BICRA: variants seen among roughly 807,000 people sequenced by gnomAD.
BICRA encodes the protein BRD4-interacting chromatin-remodeling complex-associated protein.
In BICRA, 31 loss-of-function variants were observed where a neutral mutation model predicts 96.9. The ratio of observed to expected loss-of-function variants is 0.32; its 90% CI spans 0.24 to 0.43. The LOEUF (loss-of-function observed/expected upper bound fraction) is 0.43. Ranked by LOEUF, BICRA falls within the 20% of genes least tolerant of loss-of-function variation. The pLI is 1.00. For missense variants in BICRA, 2,283 were observed against 2,190.3 expected (o/e 1.04, Z -0.84); for synonymous variants, 1,350 against 1,071.8 (o/e 1.26, Z -5.07).
Position 47,680,927 on chromosome 19 carries a change from T to C in BICRA, c.1757T>C (p.Val586Ala). The change falls in exon 6 of 15, where the codon GTC (valine) becomes GCC (alanine). Residue 586 changes from valine (V) to alanine (A), a missense_variant. Coordinates refer to ENST00000594866, the MANE Select transcript of BICRA (RefSeq NM_001394372.1). ...GCCGCCACCACTGTCCTCCAGGGGG[T>C]CACCCTGCCCCCCAGCGCCGTGGCC... is the stretch of plus-strand genomic sequence containing the variant. ...GPAATTVLQG[V>A]TLPPSAVAML... is the part of the protein sequence containing the mutation. 1 of 1,476,268 alleles carries C rather than the reference T, an allele frequency of 6.8e-7. No individual in the cohort carries two copies. The highest frequency in any genetic ancestry group is 1.3e-5 in the South Asian group (1 of 74,792). 91.4% of individuals were successfully genotyped at this position (1,476,268 alleles called of 1,614,324 possible). A position where few individuals can be genotyped will look rare whatever the true frequency, so the allele number is the denominator to read the frequency against.
intron 1 of BICRA, among the ~76,000 whole-genome samples, chr19:47,612,970 G>A (rs1555783487): frequency 1.3e-5 from 2 of 152,200 alleles, no homozygotes; most frequent in Non-Finnish European, 2.9e-5. Context: ...GTGGGCAGGA[G>A]GAGAGGGGCT....
chr19:47,677,340 T>C (rs566252274), intron 5 of BICRA, among the ~76,000 whole-genome samples: 1 of 152,222 alleles, frequency 6.6e-6, no homozygotes, highest in South Asian at 2.1e-4. Flanking sequence ...TCCACACATA[T>C]GCCTGCAGAT....
chr19:47,663,390 G>GA (rs1027214123), intron 1 of BICRA: 1 of 151,928 alleles, frequency 6.6e-6, no homozygotes, highest in Non-Finnish European at 1.5e-5. Context: ...CGTCTCAAAA[G>GA]AAAAAAAAGA....
intron 5 of BICRA, among the ~76,000 whole-genome samples, chr19:47,677,363 G>T (rs141149474): frequency 1.3e-5 from 2 of 152,122 alleles, no homozygotes; most frequent in Non-Finnish European, 2.9e-5. Context: ...TTTTCCATGC[G>T]TGTCCTGGGT....
chr19:47,658,336 G>A (rs189225489), intron 1 of BICRA, among the ~76,000 whole-genome samples: 17 of 152,250 alleles, frequency 1.1e-4, no homozygotes, highest in Non-Finnish European at 1.9e-4. Flanking sequence ...CCTTGACCAG[G>A]AACTGGTGGC....
chr19:47,645,164 C>CA (rs1972440994), intron 1 of BICRA, among the ~76,000 whole-genome samples: 1 of 152,224 alleles, frequency 6.6e-6, no homozygotes, highest in African/African-American at 2.4e-5. Context: ...GGTTTGGAAT[C>CA]ACGCCAGTTG....
chr19:47,697,312 A>G (rs1054780902), intron 11 of BICRA, among the ~76,000 whole-genome samples: 2 of 151,182 alleles, frequency 1.3e-5, no homozygotes, highest in Non-Finnish European at 3.0e-5. Flanking sequence ...AAAAACATAT[A>G]AGTCCGGGGG....
At chr19:47,660,901 A>G (rs1972693790) in intron 1 of BICRA, among the ~76,000 whole-genome samples, 1 of 152,290 alleles carries the variant, frequency 6.6e-6, no homozygotes, top group Admixed American at 6.5e-5. Flanking sequence ...TGTTGCTGTG[A>G]GAATGAAATG....
intron 1 of BICRA, among the ~76,000 whole-genome samples, chr19:47,666,697 G>A (rs760207685): frequency 5.3e-5 from 8 of 152,092 alleles, no homozygotes; most frequent in Admixed American, 3.3e-4. Context: ...TCAGCCTCCC[G>A]AGTAGATTGG....
At chr19:47,637,008 T>TA (rs1420612142) in intron 1 of BICRA, among the ~76,000 whole-genome samples, 1 of 152,204 alleles carries the variant, frequency 6.6e-6, no homozygotes, top group Non-Finnish European at 1.5e-5. Flanking sequence ...AGCCTGCTCT[T>TA]ATCACCCTGT....
At chr19:47,660,496 A>G (rs933386772) in intron 1 of BICRA, among the ~76,000 whole-genome samples, 3 of 152,116 alleles carry the variant, frequency 2.0e-5, no homozygotes, top group African/African-American at 7.2e-5. Flanking sequence ...CATTCAACTC[A>G]CTACAAAGGC....
chr19:47,694,419 G>A lies in BICRA; in HGVS notation c.2588G>A (p.Arg863His), dbSNP rs369274827. 2.9e-4 allele frequency: 201 copies of A among 699,162 alleles called. 1 individual carries two copies. The African/African-American group carries it at 4.9e-3, about 17-fold the overall frequency. The allele number at this position is 699,162 out of a possible 1,614,324, so 43.3% of individuals were successfully genotyped here. A position where few individuals can be genotyped will look rare whatever the true frequency, so the allele number is the denominator to read the frequency against. ...TAPGPPQPPL[R>H]PQSQPPEGPL... ...CCAGGCCCGCCGCAGCCGCCTCTCC[G>A]CCCCCAGTCCCAGCCGCCTGAGGGA... The change falls in exon 8 of 15, where the codon CGC becomes CAC. Residue 863 changes from arginine (R) to histidine (H), a missense_variant. Arg to His is a conservative substitution (Grantham distance 29). Transcript: ENST00000594866.
intron 1 of BICRA, among the ~76,000 whole-genome samples, chr19:47,669,224 A>G (rs1972827514): frequency 6.6e-6 from 1 of 152,118 alleles, no homozygotes; most frequent in African/African-American, 2.4e-5. Context: ...GTGTTAGAGA[A>G]GCTTCCTTCA....
At position 47,680,161 on chromosome 19, in the gene BICRA, C is replaced by T. The variant is rs1478907605; in HGVS notation, c.991C>T (p.Leu331Phe). The T allele has an allele frequency of 2.6e-6, 4 of 1,532,318 alleles. No homozygotes were observed. Among genetic ancestry groups the T allele is most frequent in the Non-Finnish European group, 3.5e-6 (4 of 1,148,292 alleles). 94.9% of individuals were successfully genotyped at this position (1,532,318 alleles called of 1,614,324 possible). A position where few individuals can be genotyped will look rare whatever the true frequency, so the allele number is the denominator to read the frequency against. ...ACAGCCGCTGGCGGTGGCCCCAGGCCTCGGCTCGTCGCCACTGGTCCCGGC... is the reference window on the plus strand; with the variant it reads ...ACAGCCGCTGGCGGTGGCCCCAGGCTTCGGCTCGTCGCCACTGGTCCCGGC... ...SGQPLAVAPG[L>F]GSSPLVPAPN... is the part of the protein sequence containing the mutation. Residue 331 changes from leucine (L) to phenylalanine (F), a missense_variant, in exon 6 of 15, where the codon CTC (leucine) becomes TTC (phenylalanine). Leu to Phe is a conservative substitution (Grantham distance 22, BLOSUM62 0). Coordinates refer to ENST00000594866, the MANE Select transcript of BICRA (RefSeq NM_001394372.1).
Position 47,643,501 on chromosome 19 carries a change from C to T in BICRA, c.-107-26942C>T, listed in dbSNP as rs76730314. Among the ~76,000 whole-genome samples, 3,523 of 152,284 alleles carry T rather than the reference C, an allele frequency of 0.023. 359 individuals are homozygous for T. The East Asian group carries it at 0.32, about 14-fold the overall frequency. The stretch of plus-strand genomic sequence containing the variant: ...TGGCATCCAGCCATGACCATCCCTT[C>T]TCACGGCGGGGCTGCTCACGGTGCT... On this transcript the variant is annotated intron_variant, in intron 1 of 14. Transcript: ENST00000594866.
At chr19:47,624,147 G>A (rs774791108) in intron 1 of BICRA, among the ~76,000 whole-genome samples, 12 of 152,072 alleles carry the variant, frequency 7.9e-5, no homozygotes, top group Non-Finnish European at 1.3e-4. Context: ...CAACATGCCC[G>A]GCAGATTGTG....
At position 47,695,409 on chromosome 19, in the gene BICRA, A is replaced by T. The variant is rs372525786; in HGVS notation, c.3121A>T (p.Asn1041Tyr). Residue 1041 changes from asparagine to tyrosine, a missense_variant, in exon 10 of 15, where the codon AAC becomes TAC. Coordinates refer to ENST00000594866, the MANE Select transcript of BICRA (RefSeq NM_001394372.1). ...AGCCGAGAACAAGGCTTTTGCCAGCAACCTCCCGACCCTGAATGTGGCCAA... is the reference window on the plus strand; with the variant it reads ...AGCCGAGAACAAGGCTTTTGCCAGCTACCTCCCGACCCTGAATGTGGCCAA... ...LPAENKAFAS[N>Y]LPTLNVAKAA... The T allele has an allele frequency of 6.4e-6, 10 of 1,562,718 alleles. No homozygotes were observed. The highest frequency in any genetic ancestry group is 7.8e-6 in the Non-Finnish European group (9 of 1,155,104).
intron 1 of BICRA, chr19:47,615,764 C>T (rs1971975427): frequency 6.6e-6 from 1 of 152,172 alleles, no homozygotes; most frequent in South Asian, 2.1e-4. Context: ...GCTGGCTTCT[C>T]TGCTTAATTG....
At chr19:47,681,383 G>A in intron 6 of BICRA, 107 bp downstream of exon 6, 1 of 974,940 alleles carries the variant, frequency 1.0e-6, no homozygotes, top group Non-Finnish European at 1.4e-6. Flanking sequence ...CACTGTGGCA[G>A]CTGGGGGGGG....
Sources: allele counts gnomAD v4.1 joint callset (sites outside exome capture counted in the v4.1 genomes callset), GRCh38; gene constraint gnomAD v4.1.1; transcripts MANE v1.5; gene names NCBI Gene and HGNC (gene_info 2026-07-23, HGNC 2026-07-21).